The following PTPRG variants were observed in gnomAD, a reference collection of about 807,000 sequenced individuals.
The protein encoded by PTPRG is protein tyrosine phosphatase receptor type G, also known as receptor-type tyrosine-protein phosphatase gamma.
In PTPRG, 102 loss-of-function variants were observed where a neutral mutation model predicts 165.3. That is an observed-to-expected ratio of 0.62 (90% CI 0.53 to 0.73). The LOEUF (loss-of-function observed/expected upper bound fraction) is 0.73, where lower values mean the gene tolerates loss of function less well. Among genes scored for constraint, PTPRG ranks in the 30% least tolerant of loss-of-function variants. The pLI, the probability that PTPRG is intolerant of heterozygous loss-of-function variation, is 0.00. For missense variants in PTPRG, 1,866 were observed against 1,861.4 expected (o/e 1.00, Z -0.05); for synonymous variants, 675 against 669.5 (o/e 1.01, Z -0.13).
intron 5 of PTPRG, among the ~76,000 whole-genome samples, chr3:62,095,727 A>T (rs949027214): frequency 3.3e-5 from 5 of 152,142 alleles, no homozygotes; most frequent in African/African-American, 1.2e-4. Context: ...TTGCTTTGAG[A>T]GCATGTGATG....
intron 4 of PTPRG, among the ~76,000 whole-genome samples, chr3:62,075,143 AT>A (rs1270429042): frequency 6.6e-6 from 1 of 152,122 alleles, no homozygotes; most frequent in African/African-American, 2.4e-5. Flanking sequence ...CTAAAAATGT[AT>A]TTTTTTACCC....
chr3:62,133,295 G>A (rs1196417067), intron 6 of PTPRG, among the ~76,000 whole-genome samples: 1 of 152,204 alleles, frequency 6.6e-6, no homozygotes, highest in Non-Finnish European at 1.5e-5. Flanking sequence ...AATTTCAAAA[G>A]TACCCTTGTC....
intron 2 of PTPRG, among the ~76,000 whole-genome samples, chr3:61,944,268 G>T (rs1273598149): frequency 6.6e-6 from 1 of 152,206 alleles, no homozygotes; most frequent in Non-Finnish European, 1.5e-5. Flanking sequence ...CACCCTGGCT[G>T]AGAGCCACTG....
intron 6 of PTPRG, among the ~76,000 whole-genome samples, chr3:62,155,132 GT>G (rs1704487565): frequency 6.6e-6 from 1 of 152,194 alleles, no homozygotes; most frequent in Admixed American, 6.5e-5. Flanking sequence ...AGCAGAAATT[GT>G]TTTTGTAATT....
At chr3:62,054,263 C>A (rs1280039204) in intron 4 of PTPRG, among the ~76,000 whole-genome samples, 1 of 152,242 alleles carries the variant, frequency 6.6e-6, no homozygotes, top group South Asian at 2.1e-4. Flanking sequence ...CCTTCAGACT[C>A]TCCTGGTAGG....
In PTPRG at chr3:62,032,670, G is replaced by A. The variant is rs569568501; in HGVS notation, c.519+29173G>A. On this transcript the variant is annotated intron_variant, in intron 4 of 29. Transcript: ENST00000474889. The stretch of plus-strand genomic sequence containing the variant: ...TGATCGAGACTAAAATGCAGTGAAA[G>A]TTAAATTTCACCTATATCTCATTCA... Among the ~76,000 whole-genome samples, 128 of 152,288 alleles carry A rather than the reference G, an allele frequency of 8.4e-4. 1 individual carries two copies. Among genetic ancestry groups the A allele is most frequent in the African/African-American group, 3.0e-3 (124 of 41,540 alleles).
chr3:62,260,036 A>C (rs1025141204), intron 16 of PTPRG, among the ~76,000 whole-genome samples: 3 of 152,186 alleles, frequency 2.0e-5, no homozygotes, highest in Non-Finnish European at 2.9e-5. Flanking sequence ...GCAGCAATTT[A>C]TACCCTGAGC....
At chr3:61,563,335 A>G (rs989541740) in intron 1 of PTPRG, among the ~76,000 whole-genome samples, 93 of 152,146 alleles carry the variant, frequency 6.1e-4, no homozygotes, top group African/African-American at 2.2e-3. Flanking sequence ...ATAAGAATAA[A>G]TCACCGCACG....
intron 2 of PTPRG, among the ~76,000 whole-genome samples, chr3:61,979,961 A>G (rs892924563): frequency 2.0e-5 from 3 of 150,900 alleles, no homozygotes; most frequent in African/African-American, 2.4e-5. Context: ...CCTTTATGTC[A>G]GTGGGTAGGT....
At chr3:62,206,431 C>T (rs953084422) in intron 12 of PTPRG, among the ~76,000 whole-genome samples, 1 of 152,098 alleles carries the variant, frequency 6.6e-6, no homozygotes, top group Non-Finnish European at 1.5e-5. Context: ...CCCGTGTCCT[C>T]GTTTGCAAAG....
At chr3:62,267,575 C>T (rs770828481) in intron 18 of PTPRG, 83 bp downstream of exon 18, 2 of 1,522,488 alleles carry the variant, frequency 1.3e-6, no homozygotes, top group Non-Finnish European at 9.0e-7. Flanking sequence ...TAATACTGTA[C>T]AGAGCTTTCA....
At chr3:61,916,391 C>A (rs533290140) in intron 2 of PTPRG, among the ~76,000 whole-genome samples, 2 of 152,020 alleles carry the variant, frequency 1.3e-5, no homozygotes, top group Admixed American at 6.6e-5. Context: ...TTCTAATTTT[C>A]GTGTTAGATG....
At chr3:61,923,987 A>G (rs1029210292) in intron 2 of PTPRG, among the ~76,000 whole-genome samples, 3 of 152,188 alleles carry the variant, frequency 2.0e-5, no homozygotes, top group East Asian at 3.8e-4. Context: ...AGACAATTTC[A>G]TAGACATTTT....
intron 1 of PTPRG, among the ~76,000 whole-genome samples, chr3:61,719,716 G>A (rs1010570008): frequency 3.3e-5 from 5 of 152,144 alleles, no homozygotes; most frequent in Non-Finnish European, 7.3e-5. Flanking sequence ...GAGGCCATGT[G>A]TGGTTGGGGT....
In PTPRG at chr3:62,297,249, T is replaced by C. The variant is rs1247092196; in HGVS notation, c.*3942T>C. 1 of 152,038 alleles carries C rather than the reference T, an allele frequency of 6.6e-6. No homozygotes were observed. The highest frequency in any genetic ancestry group is 2.4e-5 in the African/African-American group (1 of 41,420). The allele number at this position is 152,038 out of a possible 1,614,324, so 9.4% of individuals were successfully genotyped here. ...TTTTTTTTCCTTTTTGTGGTGGATA[T>C]GTGAATTCAACTTTCTGTGTATTGA... On this transcript the variant is annotated 3_prime_UTR_variant, in exon 30 of 30. Transcript: ENST00000474889.
chr3:62,065,582 G>GAATAAT (rs1160487072), intron 4 of PTPRG, among the ~76,000 whole-genome samples: 1 of 152,044 alleles, frequency 6.6e-6, no homozygotes, highest in South Asian at 2.1e-4. Context: ...AAGGGATACT[G>GAATAAT]AATAATAATA....
intron 2 of PTPRG, chr3:61,753,689 G>C (rs116271407): frequency 0.023 from 9,528 of 417,836 alleles, 162 homozygotes; most frequent in Middle Eastern, 0.033. Context: ...TGCTTCCTGA[G>C]TTCAAGCAAT....
At chr3:61,851,742 T>C (rs951266231) in intron 2 of PTPRG, among the ~76,000 whole-genome samples, 2 of 152,198 alleles carry the variant, frequency 1.3e-5, no homozygotes, top group Admixed American at 6.5e-5. Context: ...TTGTTACTTA[T>C]TGGTAATGAG....
chr3:61,845,300 C>T (rs185942733), intron 2 of PTPRG, among the ~76,000 whole-genome samples: 144 of 152,214 alleles, frequency 9.5e-4, no homozygotes, highest in African/African-American at 3.4e-3. Flanking sequence ...TTGTGGTTAC[C>T]GTGTTGAAAT....
Sources: gnomAD v4.1 joint callset for allele counts (sites outside exome capture counted in the v4.1 genomes callset) on GRCh38, gnomAD v4.1.1 for gene constraint, MANE v1.5 for transcripts, NCBI Gene and HGNC (gene_info 2026-07-23, HGNC 2026-07-21) for gene names.